Variants in NRG3 observed in about 807,000 individuals in gnomAD.
The protein encoded by NRG3 is pro-neuregulin-3, membrane-bound isoform.
In NRG3, 31 loss-of-function variants were observed where a neutral mutation model predicts 66.9. The ratio of observed to expected loss-of-function variants is 0.46; its 90% CI spans 0.35 to 0.63. The LOEUF is 0.63. Ranked by LOEUF, NRG3 falls within the 20% of genes least tolerant of loss-of-function variation. The pLI is 0.00. For synonymous variants in NRG3, 393 were observed against 359.4 expected (o/e 1.09, Z -1.06); for missense variants, 910 against 878.9 (o/e 1.04, Z -0.45).
chr10:82,105,337 C>G (rs1409483626), intron 1 of NRG3, among the ~76,000 whole-genome samples: 3 of 152,104 alleles, frequency 2.0e-5, no homozygotes, highest in Admixed American at 6.6e-5. Context: ...ATTGTAAGCT[C>G]TCAATTAACT....
At chr10:82,290,720 C>T (rs6421340) in intron 1 of NRG3, among the ~76,000 whole-genome samples, 22,423 of 151,468 alleles carry the variant, frequency 0.15, 3,800 homozygotes, top group African/African-American at 0.41. Context: ...CTGCAACCTC[C>T]GCCTCCTGGG....
chr10:82,260,170 G>A (rs1225544108), intron 1 of NRG3, among the ~76,000 whole-genome samples: 2 of 152,124 alleles, frequency 1.3e-5, no homozygotes, highest in East Asian at 3.9e-4. Flanking sequence ...TCAGGCTAAA[G>A]GGCTTAGTAA....
At chr10:82,026,031 C>A (rs1441712628) in intron 1 of NRG3, among the ~76,000 whole-genome samples, 1 of 151,944 alleles carries the variant, frequency 6.6e-6, no homozygotes, top group Non-Finnish European at 1.5e-5. Flanking sequence ...ATGTGGGTTC[C>A]AGAAAATAAT....
At chr10:81,939,005 A>G (rs1848164393) in intron 1 of NRG3, among the ~76,000 whole-genome samples, 1 of 152,012 alleles carries the variant, frequency 6.6e-6, no homozygotes, top group African/African-American at 2.4e-5. Flanking sequence ...TACTGTATCC[A>G]TTGAGGTGAC....
intron 5 of NRG3, among the ~76,000 whole-genome samples, chr10:82,952,147 A>T (rs1358060919): frequency 6.6e-6 from 1 of 152,116 alleles, no homozygotes; most frequent in Non-Finnish European, 1.5e-5. Flanking sequence ...CTAGAAATAG[A>T]TGTAGGCCAG....
At chr10:82,433,893 G>A (rs541254680) in intron 2 of NRG3, among the ~76,000 whole-genome samples, 1 of 152,216 alleles carries the variant, frequency 6.6e-6, no homozygotes, top group South Asian at 2.1e-4. Flanking sequence ...GATGCCTCCA[G>A]GTTTGTTCTT....
chr10:81,944,421 G>A (rs970759777), intron 1 of NRG3, among the ~76,000 whole-genome samples: 1 of 152,178 alleles, frequency 6.6e-6, no homozygotes, highest in Admixed American at 6.5e-5. Context: ...ACCTTTACTT[G>A]AAAGACTAAA....
At chr10:81,969,731 T>C (rs1031260508) in intron 1 of NRG3, among the ~76,000 whole-genome samples, 5 of 152,108 alleles carry the variant, frequency 3.3e-5, no homozygotes, top group African/African-American at 1.2e-4. Context: ...TTGAGGCAAC[T>C]TAATAATACC....
At chr10:82,806,749 A>G (rs1205198063) in intron 3 of NRG3, among the ~76,000 whole-genome samples, 4 of 152,192 alleles carry the variant, frequency 2.6e-5, no homozygotes, top group Non-Finnish European at 5.9e-5. Context: ...TGTAGATGAC[A>G]GTCTGATGGG....
chr10:82,520,102 T>A (rs559328654), intron 2 of NRG3, among the ~76,000 whole-genome samples: 1 of 151,244 alleles, frequency 6.6e-6, no homozygotes, highest in African/African-American at 2.4e-5. Context: ...TCTCCTGGAC[T>A]AGTGTGTTAG....
chr10:81,875,247 G>C lies in NRG3; in HGVS notation c.-94G>C. ...GCCTGCGCCCGAGCCCGCCGCCGCC[G>C]CCGGAGCCCGCGCCCGCGCCCGCGC... On this transcript the variant is annotated 5_prime_UTR_variant, in exon 1 of 9. Coordinates refer to ENST00000372141, the MANE Select transcript of NRG3 (RefSeq NM_001010848.4). The surrounding 1 kb of genome is among the most constrained non-coding windows in gnomAD (Gnocchi z 5.3). 2.5e-6 allele frequency: 2 copies of C among 801,472 alleles called. No homozygotes were observed. The highest frequency in any genetic ancestry group is 3.0e-6 in the Non-Finnish European group (2 of 665,928). The allele number at this position is 801,472 out of a possible 1,614,324, so 49.6% of individuals were successfully genotyped here.
intron 1 of NRG3, among the ~76,000 whole-genome samples, chr10:82,000,314 G>A (rs4933817): frequency 0.47 from 71,585 of 151,854 alleles, 19,989 homozygotes; most frequent in East Asian, 0.77. Flanking sequence ...AACAATTATG[G>A]TATTTAGGGA....
intron 2 of NRG3, among the ~76,000 whole-genome samples, chr10:82,499,786 A>C (rs893951291): frequency 6.6e-6 from 1 of 152,200 alleles, no homozygotes; most frequent in East Asian, 1.9e-4. Context: ...TTATGATTAT[A>C]TACAGGGCAA....
intron 2 of NRG3, among the ~76,000 whole-genome samples, chr10:82,737,441 G>A (rs1329058760): frequency 2.6e-5 from 4 of 152,146 alleles, no homozygotes; most frequent in Admixed American, 6.5e-5. Flanking sequence ...AAGAACTCAC[G>A]ACGCATGGTT....
chr10:82,692,643 C>G (rs1347731379), intron 2 of NRG3, among the ~76,000 whole-genome samples: 1 of 152,208 alleles, frequency 6.6e-6, no homozygotes, highest in African/African-American at 2.4e-5. Context: ...GGCGTGAATT[C>G]CTGGTGGCTC....
intron 1 of NRG3, among the ~76,000 whole-genome samples, chr10:82,111,258 T>G (rs1407533732): frequency 2.0e-5 from 3 of 152,202 alleles, no homozygotes; most frequent in Non-Finnish European, 4.4e-5. Flanking sequence ...TTCGTCAGCT[T>G]ACACTGAGTT....
At chr10:82,275,812 A>C (rs2078820657) in intron 1 of NRG3, among the ~76,000 whole-genome samples, 1 of 152,068 alleles carries the variant, frequency 6.6e-6, no homozygotes, top group African/African-American at 2.4e-5. Context: ...TTAGAATATA[A>C]AATGTGCAGA....
chr10:82,759,229 A>G (rs1186195675), intron 3 of NRG3, among the ~76,000 whole-genome samples: 3 of 152,068 alleles, frequency 2.0e-5, no homozygotes, highest in Non-Finnish European at 4.4e-5. Flanking sequence ...CTGTTTGCAT[A>G]TGCCTACTCC....
Position 82,973,856 on chromosome 10 carries a change from C to T in NRG3, c.1353C>T (p.Pro451=), listed in dbSNP as rs1234047545. Residue 451 remains proline (P), a synonymous_variant, in exon 7 of 9, where the codon CCC becomes CCT. Coordinates refer to ENST00000372141, the MANE Select transcript of NRG3 (RefSeq NM_001010848.4). ...TGATGGAGTCAAGTTTTGTCGGCCCCCAGTCATTCCCTGAGGTCCCTTCTC... is the reference window on the plus strand; with the variant it reads ...TGATGGAGTCAAGTTTTGTCGGCCCTCAGTCATTCCCTGAGGTCCCTTCTC... ...EKMMESSFVG[P]QSFPEVPSPD... 6.2e-7 allele frequency: 1 copy of T among 1,613,914 alleles called. No homozygotes were observed. The highest frequency in any genetic ancestry group is 1.3e-5 in the African/African-American group (1 of 74,912).
Sources: gnomAD v4.1 joint callset for allele counts (sites outside exome capture counted in the v4.1 genomes callset) on GRCh38, gnomAD v4.1.1 for gene constraint, Gnocchi (gnomAD v3.1) non-coding constraint, MANE v1.5 for transcripts, NCBI Gene and HGNC (gene_info 2026-07-23, HGNC 2026-07-21) for gene names.